The following ZNF804A variants were observed in gnomAD, a reference collection of about 807,000 sequenced individuals.
ZNF804A encodes the protein zinc finger protein 804A.
Under a neutral mutation model 16.5 loss-of-function variants are expected in ZNF804A, and 2 were observed. The ratio of observed to expected loss-of-function variants is 0.12; its 90% CI spans 0.05 to 0.38. The LOEUF is 0.38. Ranked by LOEUF, ZNF804A falls within the 10% of genes least tolerant of loss-of-function variation. The pLI, the probability that ZNF804A is intolerant of heterozygous loss-of-function variation, is 0.99. For synonymous variants in ZNF804A, 534 were observed against 489.6 expected, an observed-to-expected ratio of 1.09 and a Z score of -1.20; for missense variants, 1,473 against 1,390.7, an observed-to-expected ratio of 1.06 and a Z score of -0.94.
chr2:184,799,069 T>G (rs568771022), intron 1 of ZNF804A, among the ~76,000 whole-genome samples: 1 of 152,298 alleles, frequency 6.6e-6, no homozygotes, highest in East Asian at 1.9e-4. Flanking sequence ...TCCTGTGATA[T>G]GAATCGTCTG....
At position 184,615,066 on chromosome 2, in the gene ZNF804A, A is replaced by G. The variant is rs769760086; in HGVS notation, c.111+15996A>G. On this transcript the variant is annotated intron_variant, in intron 1 of 3. Transcript: ENST00000302277. ...TACCCAAAGGATTATAAATCATTCTACTCTAAAGACACATGCACACATATG... is the reference window on the plus strand; with the variant it reads ...TACCCAAAGGATTATAAATCATTCTGCTCTAAAGACACATGCACACATATG... Among the ~76,000 whole-genome samples the G allele has an allele frequency of 3.3e-5, 5 of 152,300 alleles. No homozygotes were observed. In the East Asian group the frequency reaches 5.8e-4, roughly 18 times the overall value.
chr2:184,869,028 T>C (rs144639968), intron 2 of ZNF804A, among the ~76,000 whole-genome samples: 72 of 152,190 alleles, frequency 4.7e-4, no homozygotes, highest in African/African-American at 1.6e-3. Flanking sequence ...CTTCGTGCGC[T>C]GAAATGCATG....
intron 1 of ZNF804A, among the ~76,000 whole-genome samples, chr2:184,770,784 A>G (rs1017324973): frequency 2.0e-5 from 3 of 152,038 alleles, no homozygotes; most frequent in Non-Finnish European, 4.4e-5. Context: ...GATATATAGA[A>G]ACCCAAATTT....
At chr2:184,754,215 A>T (rs768988033) in intron 1 of ZNF804A, among the ~76,000 whole-genome samples, 57 of 152,016 alleles carry the variant, frequency 3.7e-4, no homozygotes, top group Non-Finnish European at 6.9e-4. Context: ...ACACTGGACG[A>T]AGACACTATT....
chr2:184,832,796 T>C (rs116303399), intron 1 of ZNF804A, among the ~76,000 whole-genome samples: 34 of 152,138 alleles, frequency 2.2e-4, no homozygotes, highest in African/African-American at 7.9e-4. Context: ...AATGATATTA[T>C]ACCAAAAGTT....
At chr2:184,867,745 A>G (rs1312161748) in intron 2 of ZNF804A, among the ~76,000 whole-genome samples, 1 of 152,110 alleles carries the variant, frequency 6.6e-6, no homozygotes, top group Non-Finnish European at 1.5e-5. Context: ...TCATTAGGAA[A>G]TGGTATTATT....
At chr2:184,687,167 A>C (rs1018162184) in intron 1 of ZNF804A, among the ~76,000 whole-genome samples, 1 of 152,142 alleles carries the variant, frequency 6.6e-6, no homozygotes, top group Non-Finnish European at 1.5e-5. Flanking sequence ...GCTACACTTA[A>C]ATTTTTAATC....
intron 1 of ZNF804A, among the ~76,000 whole-genome samples, chr2:184,715,320 T>C (rs1253980648): frequency 1.3e-5 from 2 of 152,184 alleles, no homozygotes; most frequent in African/African-American, 4.8e-5. Flanking sequence ...TCTGAAAATA[T>C]GCCCACATTT....
intron 2 of ZNF804A, among the ~76,000 whole-genome samples, chr2:184,899,442 C>G (rs1364782986): frequency 6.6e-6 from 1 of 151,980 alleles, no homozygotes; most frequent in Non-Finnish European, 1.5e-5. Context: ...GAATTAGTCA[C>G]ACTCGTTTTT....
intron 2 of ZNF804A, among the ~76,000 whole-genome samples, chr2:184,886,319 C>T (rs1684890055): frequency 6.6e-6 from 1 of 152,190 alleles, no homozygotes; most frequent in South Asian, 2.1e-4. Context: ...CAGCTCGGCC[C>T]CTGTGGCTTT....
chr2:184,752,231 A>C (rs1693887003), intron 1 of ZNF804A, among the ~76,000 whole-genome samples: 1 of 151,782 alleles, frequency 6.6e-6, no homozygotes, highest in Non-Finnish European at 1.5e-5. Context: ...AACCAACCTA[A>C]GAGTCCATCA....
chr2:184,933,638 AAATGTAGCATCT>A lies in ZNF804A; in HGVS notation c.294_305del (p.Asn98_Ser101del). On this transcript the variant is annotated inframe_deletion, in exon 3 of 4. Transcript: ENST00000302277. ...AACTGAAACAAAGGGAATTTGCTCG[AAATGTAGCATCT>A]AAATCCAGGAAAGATGAAAGAAAAC... 1 of 1,607,666 alleles carries A rather than the reference AAATGTAGCATCT, an allele frequency of 6.2e-7. No individual in the cohort carries two copies.
intron 1 of ZNF804A, among the ~76,000 whole-genome samples, chr2:184,604,328 G>A (rs1422159219): frequency 6.6e-6 from 1 of 151,336 alleles, no homozygotes; most frequent in South Asian, 2.1e-4. Flanking sequence ...CCGCCATCGC[G>A]CCCGGCTAAT....
At chr2:184,645,635 C>G (rs933530313) in intron 1 of ZNF804A, among the ~76,000 whole-genome samples, 1 of 152,140 alleles carries the variant, frequency 6.6e-6, no homozygotes, top group Non-Finnish European at 1.5e-5. Context: ...TAAGCTATGA[C>G]AGCAAGATAC....
At chr2:184,679,280 A>G (rs1692493678) in intron 1 of ZNF804A, among the ~76,000 whole-genome samples, 1 of 152,214 alleles carries the variant, frequency 6.6e-6, no homozygotes, top group African/African-American at 2.4e-5. Context: ...CAAAATACAA[A>G]TGTAACTAAT....
chr2:184,755,932 A>G (rs1693952340), intron 1 of ZNF804A, among the ~76,000 whole-genome samples: 1 of 151,964 alleles, frequency 6.6e-6, no homozygotes, highest in Admixed American at 6.6e-5. Flanking sequence ...TAAAGTCATT[A>G]TAAGTCTCAA....
At chr2:184,685,368 C>A (rs1272248894) in intron 1 of ZNF804A, among the ~76,000 whole-genome samples, 1 of 151,968 alleles carries the variant, frequency 6.6e-6, no homozygotes, top group Non-Finnish European at 1.5e-5. Context: ...CCCAAAGGGC[C>A]GCAGCTCTTC....
chr2:184,800,872 A>G (rs1453086548), intron 1 of ZNF804A, among the ~76,000 whole-genome samples: 3 of 152,076 alleles, frequency 2.0e-5, no homozygotes, highest in Non-Finnish European at 4.4e-5. Context: ...ATTAAGAATA[A>G]GAGAAAGAAA....
chr2:184,716,376 T>C (rs951515298), intron 1 of ZNF804A, among the ~76,000 whole-genome samples: 5 of 152,054 alleles, frequency 3.3e-5, no homozygotes, highest in African/African-American at 1.2e-4. Context: ...TTTAGTAATG[T>C]AATAATATAT....
Sources: gnomAD v4.1 joint callset for allele counts (sites outside exome capture counted in the v4.1 genomes callset) on GRCh38, gnomAD v4.1.1 for gene constraint, MANE v1.5 for transcripts, NCBI Gene and HGNC (gene_info 2026-07-23, HGNC 2026-07-21) for gene names.